The following POC5 variants were observed in gnomAD, a reference collection of about 807,000 sequenced individuals.
POC5 encodes the protein POC5 centriolar protein.
A neutral mutation model predicts 62.9 loss-of-function variants in POC5; 48 were observed. The observed-to-expected ratio is 0.76, with a 90% CI of 0.61 to 0.97. The LOEUF is 0.97. Ranked by LOEUF, POC5 falls within the 50% of genes least tolerant of loss-of-function variation. The pLI is 0.00. For missense variants in POC5, 696 were observed against 679.5 expected, an observed-to-expected ratio of 1.02 and a Z score of -0.27; for synonymous variants, 236 against 228.2, an observed-to-expected ratio of 1.03 and a Z score of -0.31.
rs750788406 is a variant in POC5 at position 75,707,802 on chromosome 5, T to C, written c.158A>G (p.His53Arg). The C allele has an allele frequency of 3.8e-6, 6 of 1,577,166 alleles. No individual in the cohort carries two copies. Among genetic ancestry groups the C allele is most frequent in the Non-Finnish European group, 1.7e-6 (2 of 1,155,936 alleles). ...ATCTGGCACCAATTCTCCCTTAGGA[T>C]GAGATGACTGTGAAGCACAGGGTTC... ...NIEPCASQSS[H>R]PKGELVPDVR... Residue 53 changes from histidine (H) to arginine (R), a missense_variant, in exon 3 of 12, where the codon CAT becomes CGT. By Grantham distance (29) the His-to-Arg change is conservative. Transcript: ENST00000428202.
At chr5:75,682,160 T>C (rs1268749716) in intron 10 of POC5, among the ~76,000 whole-genome samples, 5 of 152,098 alleles carry the variant, frequency 3.3e-5, no homozygotes, top group East Asian at 1.9e-4. Flanking sequence ...CAGAATATTA[T>C]GGTTTTCAGG....
intron 1 of POC5, among the ~76,000 whole-genome samples, chr5:75,716,057 A>T (rs1253508937): frequency 6.6e-6 from 1 of 152,184 alleles, no homozygotes; most frequent in Non-Finnish European, 1.5e-5. Flanking sequence ...CTGAAAAATA[A>T]ATGAGAGATG....
intron 5 of POC5, among the ~76,000 whole-genome samples, chr5:75,699,257 C>A (rs1394781419): frequency 1.3e-5 from 2 of 151,848 alleles, no homozygotes; most frequent in Admixed American, 6.5e-5. Context: ...CGGGCAGAGA[C>A]ACAACCAAAA....
chr5:75,696,295 G>A (rs1404453944), intron 5 of POC5, among the ~76,000 whole-genome samples: 1 of 152,174 alleles, frequency 6.6e-6, no homozygotes, highest in Admixed American at 6.5e-5. Context: ...AGTAACCTCT[G>A]CAGACTTAAA....
intron 10 of POC5, among the ~76,000 whole-genome samples, chr5:75,684,331 C>T (rs188663489): frequency 4.0e-5 from 6 of 151,134 alleles, no homozygotes; most frequent in African/African-American, 1.5e-4. Context: ...GTCCTTCACT[C>T]TTTCTCAAAT....
chr5:75,708,192 C>T (rs986616899), intron 2 of POC5, among the ~76,000 whole-genome samples: 4 of 151,978 alleles, frequency 2.6e-5, no homozygotes, highest in African/African-American at 9.7e-5. Context: ...AAATTTTTTA[C>T]AAAAATTTGC....
chr5:75,700,171 C>A (rs1305093532), intron 5 of POC5, among the ~76,000 whole-genome samples: 2 of 151,806 alleles, frequency 1.3e-5, no homozygotes, highest in African/African-American at 4.8e-5. Flanking sequence ...TCAATGCCAT[C>A]CCCATCAAGC....
At chr5:75,696,433 C>A (rs980863427) in intron 5 of POC5, among the ~76,000 whole-genome samples, 6 of 152,272 alleles carry the variant, frequency 3.9e-5, no homozygotes, top group Middle Eastern at 3.4e-3. Flanking sequence ...CTGGGAGGCA[C>A]CCCCCAGCAG....
chr5:75,690,485 T>C lies in POC5; in HGVS notation c.873A>G (p.Val291=), dbSNP rs1776281549. 1 of 1,609,554 alleles carries C rather than the reference T, an allele frequency of 6.2e-7. No individual in the cohort carries two copies. Among genetic ancestry groups the C allele is most frequent in the South Asian group, 1.1e-5 (1 of 90,186 alleles). Reference sequence around the variant, plus strand: ...CCACATCTTTCCACTGCTTTTGCACTACGGAACGCCAGACTTTCCAGACTT... The same window carrying C: ...CCACATCTTTCCACTGCTTTTGCACCACGGAACGCCAGACTTTCCAGACTT... ...LKKVWKVWRS[V]VQKQWKDVVE... Residue 291 remains valine, a synonymous_variant, in exon 8 of 12, where the codon GTA becomes GTG. Coordinates refer to ENST00000428202, the MANE Select transcript of POC5 (RefSeq NM_001099271.2).
chr5:75,705,414 A>C, intron 4 of POC5: 1 of 202,612 alleles, frequency 4.9e-6, no homozygotes, highest in Non-Finnish European at 9.8e-6. Context: ...AAAAACTTGA[A>C]TTGGCCAAAC....
chr5:75,710,195 T>C (rs1467387473), intron 2 of POC5, among the ~76,000 whole-genome samples: 1 of 152,208 alleles, frequency 6.6e-6, no homozygotes, highest in Non-Finnish European at 1.5e-5. Flanking sequence ...TCAGAATTTA[T>C]GAGAGACAGA....
intron 4 of POC5, among the ~76,000 whole-genome samples, chr5:75,704,967 G>A (rs4704233): frequency 0.17 from 26,020 of 152,174 alleles, 2,418 homozygotes; most frequent in South Asian, 0.21. Flanking sequence ...TGGGAGGCCA[G>A]GGCAAGTGGA....
At chr5:75,705,059 G>T (rs1037922470) in intron 4 of POC5, among the ~76,000 whole-genome samples, 1 of 152,114 alleles carries the variant, frequency 6.6e-6, no homozygotes, top group African/African-American at 2.4e-5. Context: ...AATTAGCTAG[G>T]TGTGGTGGCA....
chr5:75,701,126 T>C (rs564271104), intron 5 of POC5, among the ~76,000 whole-genome samples: 3 of 132,398 alleles, frequency 2.3e-5, no homozygotes, highest in Non-Finnish European at 3.4e-5. Context: ...TTGGTGGGAC[T>C]GTAAACTAGT....
At chr5:75,702,493 A>T in intron 5 of POC5, 112 bp downstream of exon 5, 1 of 1,048,530 alleles carries the variant, frequency 9.5e-7, no homozygotes, top group Non-Finnish European at 1.4e-6. Flanking sequence ...TGATCTCAGG[A>T]AACAAAAGAT....
At chr5:75,682,017 A>C (rs1775885759) in intron 10 of POC5, among the ~76,000 whole-genome samples, 1 of 152,242 alleles carries the variant, frequency 6.6e-6, no homozygotes, top group Admixed American at 6.5e-5. Flanking sequence ...TTATACTTAG[A>C]GATAGATTTA....
intron 6 of POC5, among the ~76,000 whole-genome samples, chr5:75,693,619 T>C (rs1055872720): frequency 7.0e-6 from 1 of 142,006 alleles, no homozygotes; most frequent in Non-Finnish European, 1.6e-5. Context: ...TTAAAATCCA[T>C]TGTTTCAAAA....
intron 9 of POC5, among the ~76,000 whole-genome samples, 173 bp downstream of exon 9, chr5:75,688,839 C>T (rs181667989): frequency 1.3e-5 from 2 of 152,276 alleles, no homozygotes; most frequent in East Asian, 3.9e-4. Flanking sequence ...CATGACTGAG[C>T]TCATTTTCAT....
chr5:75,694,583 C>A, intron 6 of POC5, 72 bp downstream of exon 6: 2 of 1,204,166 alleles, frequency 1.7e-6, no homozygotes, highest in South Asian at 3.6e-5. Flanking sequence ...GGTAAATAAT[C>A]ATTTCTTAGA....
Sources: allele counts gnomAD v4.1 joint callset (sites outside exome capture counted in the v4.1 genomes callset), GRCh38; gene constraint gnomAD v4.1.1; transcripts MANE v1.5; gene names NCBI Gene and HGNC (gene_info 2026-07-23, HGNC 2026-07-21).